Variants in MAP7 observed in about 807,000 individuals in gnomAD.
MAP7 encodes microtubule associated protein 7, also known as ensconsin.
Under a neutral mutation model 94.8 loss-of-function variants are expected in MAP7, and 52 were observed. That is an observed-to-expected ratio of 0.55 (90% CI 0.44 to 0.69). MAP7 has a LOEUF of 0.69. Ranked by LOEUF, MAP7 falls within the 30% of genes least tolerant of loss-of-function variation. The probability of loss-of-function intolerance (pLI) is 0.00; values close to 1 mark genes in which losing one functional copy is unlikely to be tolerated. For missense variants in MAP7, 940 were observed against 964.6 expected (o/e 0.97, Z 0.34); for synonymous variants, 350 against 357.0 (o/e 0.98, Z 0.22).
chr6:136,482,662 T>C (rs975294814), intron 1 of MAP7, among the ~76,000 whole-genome samples: 2 of 151,168 alleles, frequency 1.3e-5, no homozygotes, highest in Non-Finnish European at 2.9e-5. Context: ...ATAGCAAAGA[T>C]ATGGAATCAA....
At chr6:136,403,148 A>G (rs1681063890) in intron 3 of MAP7, among the ~76,000 whole-genome samples, 1 of 151,970 alleles carries the variant, frequency 6.6e-6, no homozygotes, top group Non-Finnish European at 1.5e-5. Flanking sequence ...CCCCACCCTA[A>G]TGGATGAGGA....
At chr6:136,459,738 G>A (rs1470275389) in intron 1 of MAP7, among the ~76,000 whole-genome samples, 1 of 152,088 alleles carries the variant, frequency 6.6e-6, no homozygotes, top group Non-Finnish European at 1.5e-5. Context: ...GTTGCCATGG[G>A]CCACGGGGAG....
At chr6:136,487,940 C>T (rs1467620690) in intron 1 of MAP7, among the ~76,000 whole-genome samples, 1 of 152,136 alleles carries the variant, frequency 6.6e-6, no homozygotes, top group African/African-American at 2.4e-5. Context: ...AAGAGTCATA[C>T]TTATTCTGGG....
rs187495037 is a variant in MAP7 at position 136,533,444 on chromosome 6, T to C, written c.67+16898A>G. On this transcript the variant is annotated intron_variant, in intron 1 of 17. Coordinates refer to ENST00000354570, the MANE Select transcript of MAP7 (RefSeq NM_003980.6). ...TCAGTGTATGACTTTTTGGGCATTTTAAGGATAGTGACAGCATTAAGTCTT... is the reference window on the plus strand; with the variant it reads ...TCAGTGTATGACTTTTTGGGCATTTCAAGGATAGTGACAGCATTAAGTCTT... Among the ~76,000 whole-genome samples the C allele has an allele frequency of 3.3e-3, 498 of 152,336 alleles. 1 individual carries two copies. The highest frequency in any genetic ancestry group is 0.012 in the African/African-American group (483 of 41,570).
At chr6:136,388,309 C>T in intron 5 of MAP7, 84 bp downstream of exon 5, 2 of 1,031,748 alleles carry the variant, frequency 1.9e-6, no homozygotes, top group Admixed American at 2.2e-5. Context: ...TTTTGTTTCG[C>T]AAACATAGAT....
At chr6:136,538,538 C>T (rs2129058915) in intron 1 of MAP7, among the ~76,000 whole-genome samples, 1 of 152,136 alleles carries the variant, frequency 6.6e-6, no homozygotes, top group East Asian at 1.9e-4. Flanking sequence ...GTAATCCCAG[C>T]ACTTTGGGAG....
intron 2 of MAP7, 57 bp downstream of exon 2, chr6:136,421,644 C>A: frequency 1.4e-6 from 2 of 1,446,392 alleles, no homozygotes. Flanking sequence ...CATCAGCATG[C>A]CTTTAGGGCA....
Position 136,493,518 on chromosome 6 carries a change from A to G in MAP7, c.67+56824T>C, listed in dbSNP as rs943252740. On this transcript the variant is annotated intron_variant, in intron 1 of 17. Transcript: ENST00000354570. ...CTACAGCCTGGACTTCCTGGGCTCA[A>G]GGGATCCTGTCTCAGACACTGGATC... Among the ~76,000 whole-genome samples the G allele has an allele frequency of 4.9e-4, 75 of 152,128 alleles. 4 individuals are homozygous for G.
At chr6:136,462,181 A>AC (rs560184845) in intron 1 of MAP7, among the ~76,000 whole-genome samples, 350 of 151,478 alleles carry the variant, frequency 2.3e-3, no homozygotes, top group Non-Finnish European at 4.0e-3. Context: ...AAAAAAAAAA[A>AC]AAAAAGATGG....
intron 1 of MAP7, among the ~76,000 whole-genome samples, chr6:136,506,303 T>G (rs1821490551): frequency 6.6e-6 from 1 of 152,030 alleles, no homozygotes; most frequent in Admixed American, 6.5e-5. Context: ...ATCATTACTG[T>G]GGATGGTATT....
chr6:136,456,852 A>AGAAGAAGAAGAAGAAGAAGAAGAG, intron 1 of MAP7, among the ~76,000 whole-genome samples: 1 of 144,332 alleles, frequency 6.9e-6, no homozygotes, highest in Admixed American at 6.8e-5. Context: ...AAGAAGAGGA[A>AGAAGAAGAAGAAGAAGAAGAAGAG]GAAGAAGAAG....
chr6:136,541,242 C>T (rs545995987), intron 1 of MAP7, among the ~76,000 whole-genome samples: 16 of 152,258 alleles, frequency 1.1e-4, no homozygotes, highest in Non-Finnish European at 2.1e-4. Flanking sequence ...ATGTTATTGC[C>T]ACCAAGTAGG....
At chr6:136,448,559 C>T (rs1053694153) in intron 1 of MAP7, among the ~76,000 whole-genome samples, 11 of 151,980 alleles carry the variant, frequency 7.2e-5, no homozygotes, top group East Asian at 5.9e-4. Context: ...GGACTACAGG[C>T]GCCCGCCACC....
chr6:136,488,960 GT>G (rs1815645841), intron 1 of MAP7, among the ~76,000 whole-genome samples: 1 of 152,004 alleles, frequency 6.6e-6, no homozygotes, highest in South Asian at 2.1e-4. Context: ...AGGGACAGTG[GT>G]TTTACTATGT....
intron 6 of MAP7, among the ~76,000 whole-genome samples, chr6:136,378,565 A>G (rs1776887969): frequency 6.6e-6 from 1 of 152,218 alleles, no homozygotes; most frequent in East Asian, 1.9e-4. Flanking sequence ...CTGAAGCAAG[A>G]TAAAATTAAA....
chr6:136,456,241 CTT>C (rs1415085003), intron 1 of MAP7, among the ~76,000 whole-genome samples: 1 of 152,148 alleles, frequency 6.6e-6, no homozygotes, highest in Non-Finnish European at 1.5e-5. Context: ...GAGAAAAAGA[CTT>C]TTTGCCTTTC....
chr6:136,500,842 C>T (rs1819632820), intron 1 of MAP7, among the ~76,000 whole-genome samples: 1 of 152,118 alleles, frequency 6.6e-6, no homozygotes, highest in Non-Finnish European at 1.5e-5. Context: ...ATTTTTGTCA[C>T]TGTCAGATAA....
chr6:136,443,084 G>T (rs1427650776), intron 1 of MAP7, among the ~76,000 whole-genome samples: 1 of 151,982 alleles, frequency 6.6e-6, no homozygotes, highest in Non-Finnish European at 1.5e-5. Context: ...AATTATATGT[G>T]CTCCTTTATT....
chr6:136,361,233 G>C, intron 11 of MAP7, 54 bp from the exon 12 acceptor site: 1 of 1,583,280 alleles, frequency 6.3e-7, no homozygotes, highest in Non-Finnish European at 8.6e-7. Flanking sequence ...AGAAATCTTT[G>C]AAGAGAGGCC....
Sources: gnomAD v4.1 joint callset for allele counts (sites outside exome capture counted in the v4.1 genomes callset) on GRCh38, gnomAD v4.1.1 for gene constraint, MANE v1.5 for transcripts, NCBI Gene and HGNC (gene_info 2026-07-23, HGNC 2026-07-21) for gene names.